Variants in RSBN1 observed in about 807,000 individuals in gnomAD.
RSBN1 encodes lysine-specific demethylase 9.
In RSBN1, 23 loss-of-function variants were observed where a neutral mutation model predicts 74.8. That is an observed-to-expected ratio of 0.31 (90% CI 0.22 to 0.44). RSBN1 has a LOEUF of 0.44. RSBN1 is among the 20% of genes least tolerant of loss of function. The pLI is 1.00. For missense variants in RSBN1, 808 were observed against 1,020.9 expected (o/e 0.79, Z 2.84); for synonymous variants, 407 against 379.6 (o/e 1.07, Z -0.84).
At chr1:113,780,247 T>C (rs1660112521) in intron 2 of RSBN1, among the ~76,000 whole-genome samples, 1 of 152,222 alleles carries the variant, frequency 6.6e-6, no homozygotes, top group Non-Finnish European at 1.5e-5. Context: ...CCTAAAGAAG[T>C]ACACTGCCAT....
At chr1:113,804,946 C>G (rs1030160899) in intron 1 of RSBN1, among the ~76,000 whole-genome samples, 2 of 150,394 alleles carry the variant, frequency 1.3e-5, no homozygotes, top group East Asian at 1.9e-4. Context: ...AGATGACTCA[C>G]AAGAGCATAC....
intron 4 of RSBN1, among the ~76,000 whole-genome samples, chr1:113,768,965 G>C (rs1390230631): frequency 1.3e-5 from 2 of 151,628 alleles, no homozygotes; most frequent in Non-Finnish European, 2.9e-5. Context: ...AAGAATTCTA[G>C]TGTTAGCATC....
rs1343736083 is a variant in RSBN1 at position 113,812,394 on chromosome 1, T to C, written c.19A>G (p.Arg7Gly). MFISGR[R>G]TADKWRAEER... ...TCCGCCCTCCACTTGTCGGCCGTTCTTCGTCCAGAGATGAACATGCCGGAA... is the reference window on the plus strand; with the variant it reads ...TCCGCCCTCCACTTGTCGGCCGTTCCTCGTCCAGAGATGAACATGCCGGAA... Residue 7 changes from arginine (R) to glycine (G), a missense_variant, in exon 1 of 7, where the codon AGA becomes GGA. Physicochemically the swap from Arg to Gly is moderately radical, Grantham distance 125. Coordinates refer to ENST00000261441, the MANE Select transcript of RSBN1 (RefSeq NM_018364.5). 2 of 1,600,424 alleles carry C rather than the reference T, an allele frequency of 1.2e-6. No homozygotes were observed. The highest frequency in any genetic ancestry group is 1.7e-5 in the Admixed American group (1 of 59,684).
chr1:113,768,986 T>C (rs1659836355), intron 4 of RSBN1, among the ~76,000 whole-genome samples: 1 of 152,236 alleles, frequency 6.6e-6, no homozygotes, highest in African/African-American at 2.4e-5. Flanking sequence ...ATAAGGCTTT[T>C]GTTTAAGATA....
At chr1:113,800,086 T>C (rs547065921) in intron 1 of RSBN1, among the ~76,000 whole-genome samples, 2 of 152,252 alleles carry the variant, frequency 1.3e-5, no homozygotes, top group African/African-American at 2.4e-5. Context: ...CAATACTCCA[T>C]ATAAAATCAC....
intron 1 of RSBN1, among the ~76,000 whole-genome samples, chr1:113,801,843 G>A (rs539797981): frequency 3.3e-5 from 5 of 152,074 alleles, no homozygotes; most frequent in Admixed American, 1.3e-4. Flanking sequence ...AATACATGAC[G>A]TTATTAATAA....
chr1:113,771,915 A>G (rs1659891654), intron 4 of RSBN1, among the ~76,000 whole-genome samples: 1 of 151,852 alleles, frequency 6.6e-6, no homozygotes, highest in Admixed American at 6.6e-5. Flanking sequence ...AACTGCAGGA[A>G]AAACAAGACT....
Position 113,812,231 on chromosome 1 carries a change from G to C in RSBN1, c.182C>G (p.Ala61Gly). 2 of 1,606,474 alleles carry C rather than the reference G, an allele frequency of 1.2e-6. No individual in the cohort carries two copies. The highest frequency in any genetic ancestry group is 1.7e-6 in the Non-Finnish European group (2 of 1,179,826). ...AQVGAVRVVRAVAAQEEPDKE... is the reference protein window; with the variant it reads ...AQVGAVRVVRGVAAQEEPDKE... ...GTCCGGCTCCTCCTGCGCCGCCACC[G>C]CCCGTACTACGCGCACCGCTCCGAC... The change falls in exon 1 of 7, where the codon GCG (alanine) becomes GGG (glycine). Residue 61 changes from alanine to glycine, a missense_variant. Transcript: ENST00000261441.
chr1:113,768,545 T>A (rs1198645362), intron 4 of RSBN1, among the ~76,000 whole-genome samples, 156 bp from the exon 5 acceptor site: 1 of 152,178 alleles, frequency 6.6e-6, no homozygotes, highest in Non-Finnish European at 1.5e-5. Context: ...TCATTAGCAT[T>A]TAACACACTA....
At chr1:113,805,878 T>G (rs920384893) in intron 1 of RSBN1, among the ~76,000 whole-genome samples, 6 of 151,982 alleles carry the variant, frequency 3.9e-5, no homozygotes, top group Admixed American at 6.6e-5. Context: ...TTTGCAGGTC[T>G]TATGGTCTCT....
chr1:113,777,632 G>A, intron 3 of RSBN1, 39 bp downstream of exon 3: 1 of 1,574,496 alleles, frequency 6.4e-7, no homozygotes, highest in South Asian at 1.2e-5. Context: ...GCCCACTTAA[G>A]TAAAGATCAA....
intron 2 of RSBN1, among the ~76,000 whole-genome samples, chr1:113,784,650 G>A (rs1306374606): frequency 6.6e-6 from 1 of 152,200 alleles, no homozygotes; most frequent in African/African-American, 2.4e-5. Context: ...AATGCTGCAG[G>A]TTATCTGACA....
intron 3 of RSBN1, 84 bp from the exon 4 acceptor site, chr1:113,777,436 G>A: frequency 1.4e-6 from 2 of 1,384,382 alleles, no homozygotes; most frequent in South Asian, 1.5e-5. Flanking sequence ...AAAGTTCTAA[G>A]AAGGCTTTTT....
chr1:113,782,831 C>T (rs1422583633), intron 2 of RSBN1, among the ~76,000 whole-genome samples: 2 of 152,152 alleles, frequency 1.3e-5, no homozygotes, highest in Admixed American at 1.3e-4. Flanking sequence ...TTGTTAACAG[C>T]CAGAACTGGG....
intron 4 of RSBN1, among the ~76,000 whole-genome samples, chr1:113,772,002 T>G (rs1659894480): frequency 6.6e-6 from 1 of 151,940 alleles, no homozygotes; most frequent in South Asian, 2.1e-4. Flanking sequence ...GTAGGTGAAA[T>G]ATAGAAAAGA....
At chr1:113,785,811 G>C (rs1660231019) in intron 2 of RSBN1, among the ~76,000 whole-genome samples, 1 of 152,070 alleles carries the variant, frequency 6.6e-6, no homozygotes, top group Non-Finnish European at 1.5e-5. Flanking sequence ...CTAAAAGAAA[G>C]CTAATGATAA....
At chr1:113,769,236 C>T (rs1659841621) in intron 4 of RSBN1, among the ~76,000 whole-genome samples, 1 of 152,158 alleles carries the variant, frequency 6.6e-6, no homozygotes, top group Non-Finnish European at 1.5e-5. Flanking sequence ...TTTGAGATTT[C>T]CTCCCATCTC....
At chr1:113,770,630 T>A (rs1003754814) in intron 4 of RSBN1, among the ~76,000 whole-genome samples, 1 of 152,214 alleles carries the variant, frequency 6.6e-6, no homozygotes, top group Non-Finnish European at 1.5e-5. Flanking sequence ...TCACTCTAAG[T>A]TGACAACTGA....
At chr1:113,807,329 C>A (rs887002748) in intron 1 of RSBN1, among the ~76,000 whole-genome samples, 54 of 142,258 alleles carry the variant, frequency 3.8e-4, no homozygotes, top group South Asian at 4.4e-4. Flanking sequence ...AAAAAAAAAA[C>A]AACCAAAATA....
Sources: allele counts gnomAD v4.1 joint callset (sites outside exome capture counted in the v4.1 genomes callset), GRCh38; gene constraint gnomAD v4.1.1; transcripts MANE v1.5; gene names NCBI Gene and HGNC (gene_info 2026-07-23, HGNC 2026-07-21).